The following DNAH5 variants were observed in gnomAD, a reference collection of about 807,000 sequenced individuals.
DNAH5 encodes the protein axonemal beta dynein heavy chain 5.
A neutral mutation model predicts 518.2 loss-of-function variants in DNAH5; 372 were observed. The ratio of observed to expected loss-of-function variants is 0.72; its 90% CI spans 0.66 to 0.78. The LOEUF is 0.78. Ranked by LOEUF, DNAH5 falls within the 30% of genes least tolerant of loss-of-function variation. The pLI, the probability that DNAH5 is intolerant of heterozygous loss-of-function variation, is 0.00. For synonymous variants in DNAH5, 2,039 were observed against 2,025.9 expected (o/e 1.01, Z -0.17); for missense variants, 5,523 against 5,687.0 (o/e 0.97, Z 0.93).
intron 12 of DNAH5, among the ~76,000 whole-genome samples, chr5:13,904,290 C>T (rs1169315764): frequency 1.3e-5 from 2 of 149,980 alleles, no homozygotes; most frequent in Admixed American, 6.6e-5. Context: ...CTTAAACTTG[C>T]AATTAAAGGA....
rs1038976235 is a variant in DNAH5 at position 13,770,954 on chromosome 5, C to T, written c.9400G>A (p.Asp3134Asn). ...AVSEHFLTSYDIDCSLEIKKE... is the reference protein window; with the variant it reads ...AVSEHFLTSYNIDCSLEIKKE... The stretch of plus-strand genomic sequence containing the variant: ...TTGATTTCCAAACTGCAGTCAATAT[C>T]ATAGGAAGTGAGGAAGTGTTCAGAC... Residue 3134 changes from aspartate (D) to asparagine (N), a missense_variant, in exon 56 of 79, where the codon GAT becomes AAT. Physicochemically the swap from Asp to Asn is conservative, Grantham distance 23 (BLOSUM62 1). Coordinates refer to ENST00000265104, the MANE Select transcript of DNAH5 (RefSeq NM_001369.3). 3.1e-5 allele frequency: 50 copies of T among 1,613,774 alleles called. No homozygotes were observed. Among genetic ancestry groups the T allele is most frequent in the Non-Finnish European group, 4.1e-5 (48 of 1,179,860 alleles).
chr5:13,998,247 C>A (rs35814710), intron 1 of DNAH5, among the ~76,000 whole-genome samples: 52,447 of 152,034 alleles, frequency 0.34, 9,899 homozygotes, highest in South Asian at 0.5. Context: ...CACCTTGTTG[C>A]TGCACCTCAC....
At position 13,716,539 on chromosome 5, in the gene DNAH5, C is replaced by T. The variant is rs185104576; in HGVS notation, c.12857G>A (p.Gly4286Glu). 86 of 1,613,916 alleles carry T rather than the reference C, an allele frequency of 5.3e-5. No homozygotes were observed. In the East Asian group the frequency reaches 1.9e-3, roughly 36 times the overall value. Residue 4286 changes from glycine to glutamate, a missense_variant, in exon 74 of 79, where the codon GGA becomes GAA. Physicochemically the swap from Gly to Glu is moderately conservative, Grantham distance 98. Coordinates refer to ENST00000265104, the MANE Select transcript of DNAH5 (RefSeq NM_001369.3). ...TGTGCTGCATTTTGGAATATTGTATCCTTGGTAAAAACTGAAATCTGGTCC... is the reference window on the plus strand; with the variant it reads ...TGTGCTGCATTTTGGAATATTGTATTCTTGGTAAAAACTGAAATCTGGTCC... ...MFGPDFSFYQ[G>E]YNIPKCSTVD...
At chr5:13,785,537 T>C (rs1403663298) in intron 52 of DNAH5, among the ~76,000 whole-genome samples, 1 of 152,238 alleles carries the variant, frequency 6.6e-6, no homozygotes. Flanking sequence ...AATTTACCAC[T>C]GTAACCACTA....
intron 1 of DNAH5, among the ~76,000 whole-genome samples, chr5:13,987,924 G>GA (rs1245724709): frequency 2.0e-5 from 3 of 151,114 alleles, no homozygotes; most frequent in Admixed American, 1.3e-4. Context: ...TTTGCCTGTA[G>GA]AAAAAAAATG....
chr5:13,916,481 G>GA (rs753302888), intron 8 of DNAH5, 26 bp from the exon 9 acceptor site: 33 of 1,338,294 alleles, frequency 2.5e-5, no homozygotes, highest in East Asian at 1.2e-4. Flanking sequence ...AAAGTTTTCA[G>GA]AAAAAATCAT....
chr5:13,829,618 C>CA lies in DNAH5; in HGVS notation c.6335_6336insT (p.Gln2112HisfsTer10), dbSNP rs779506456. ...TAGCCAACTTCACCCTTATGATAAT[C>CA]TGACGGTCAGGCACCATCATGGCCA... On this transcript the variant is annotated frameshift_variant, in exon 38 of 79. Coordinates refer to ENST00000265104, the MANE Select transcript of DNAH5 (RefSeq NM_001369.3). LOFTEE classifies it high-confidence loss of function. The CA allele has an allele frequency of 8.1e-6, 13 of 1,614,090 alleles. No homozygotes were observed. Among genetic ancestry groups the CA allele is most frequent in the Admixed American group, 1.7e-5 (1 of 60,004 alleles).
chr5:13,993,610 C>A (rs1287511506), intron 1 of DNAH5, among the ~76,000 whole-genome samples: 3 of 152,198 alleles, frequency 2.0e-5, no homozygotes, highest in Admixed American at 1.3e-4. Flanking sequence ...GTAAGTATTT[C>A]CTTAAGAGCT....
chr5:13,894,310 T>C (rs991023483), intron 16 of DNAH5, among the ~76,000 whole-genome samples: 2 of 152,198 alleles, frequency 1.3e-5, no homozygotes, highest in Non-Finnish European at 2.9e-5. Context: ...CTGTACTCTA[T>C]CCAAATCTCC....
At position 13,708,322 on chromosome 5, in the gene DNAH5, A is replaced by T; in HGVS notation, c.13139T>A (p.Leu4380Gln). 6.2e-7 allele frequency: 1 copy of T among 1,614,072 alleles called. No individual in the cohort carries two copies. The highest frequency in any genetic ancestry group is 8.5e-7 in the Non-Finnish European group (1 of 1,180,008). ...DYVPFEVKER[L>Q]QKMGPFQPMN... The stretch of plus-strand genomic sequence containing the variant: ...AGGCTGGAATGGCCCCATCTTCTGC[A>T]GCCTCTCTTTTACCTGCCATGGAGA... Residue 4380 changes from leucine to glutamine, a missense_variant, in exon 76 of 79, where the codon CTG (leucine) becomes CAG (glutamine). Leu to Gln is a moderately radical substitution (Grantham distance 113). This residue lies in a region of DNAH5 where 387 missense variants were observed against 430.0 expected (regional missense o/e 0.90). Transcript: ENST00000265104.
intron 21 of DNAH5, among the ~76,000 whole-genome samples, chr5:13,879,701 C>T (rs1229422764): frequency 6.7e-6 from 1 of 149,866 alleles, no homozygotes; most frequent in Non-Finnish European, 1.5e-5. Flanking sequence ...CTAGATCAAG[C>T]AGAAGTAGAA....
chr5:13,800,919 G>A (rs747013096), intron 47 of DNAH5, among the ~76,000 whole-genome samples: 1 of 151,960 alleles, frequency 6.6e-6, no homozygotes, highest in Non-Finnish European at 1.5e-5. Flanking sequence ...AGGAGGGAAG[G>A]CACCTTGTTT....
intron 31 of DNAH5, among the ~76,000 whole-genome samples, chr5:13,848,720 T>C (rs1766403091): frequency 6.6e-6 from 1 of 152,136 alleles, no homozygotes; most frequent in Non-Finnish European, 1.5e-5. Flanking sequence ...TATGCGCAGT[T>C]CACAATAGGG....
intron 61 of DNAH5, 58 bp from the exon 62 acceptor site, chr5:13,754,396 C>CA: frequency 6.3e-7 from 1 of 1,596,158 alleles, no homozygotes; most frequent in Non-Finnish European, 8.6e-7. Context: ...GCCACTGGCT[C>CA]AAAAATATAA....
intron 71 of DNAH5, among the ~76,000 whole-genome samples, chr5:13,719,370 A>G (rs1744740697): frequency 6.6e-6 from 1 of 152,186 alleles, no homozygotes; most frequent in Admixed American, 6.5e-5. Context: ...GTTAAACATA[A>G]AAGGACTTCC....
chr5:13,900,684 G>A (rs751659345), intron 14 of DNAH5: 57 of 476,566 alleles, frequency 1.2e-4, no homozygotes, highest in Middle Eastern at 5.8e-4. Flanking sequence ...CAGTGGTGGC[G>A]TCTCAAAAGC....
chr5:13,714,835 T>C (rs1744077625), intron 74 of DNAH5, among the ~76,000 whole-genome samples: 1 of 152,220 alleles, frequency 6.6e-6, no homozygotes, highest in South Asian at 2.1e-4. Flanking sequence ...CTCATGGCTC[T>C]TTACAGTCTG....
intron 1 of DNAH5, among the ~76,000 whole-genome samples, chr5:13,983,186 C>T (rs1782808688): frequency 6.6e-6 from 1 of 152,216 alleles, no homozygotes; most frequent in African/African-American, 2.4e-5. Flanking sequence ...GCCCAGCTGC[C>T]TCCATGCTGG....
chr5:13,935,981 C>T (rs1202331469), intron 1 of DNAH5, among the ~76,000 whole-genome samples: 1 of 152,152 alleles, frequency 6.6e-6, no homozygotes, highest in Non-Finnish European at 1.5e-5. Flanking sequence ...TATTCAATGT[C>T]CAAGGAAATC....
Sources: allele counts gnomAD v4.1 joint callset (sites outside exome capture counted in the v4.1 genomes callset), GRCh38; gene constraint gnomAD v4.1.1; regional missense constraint gnomAD v4.1.1; transcripts MANE v1.5; gene names NCBI Gene and HGNC (gene_info 2026-07-23, HGNC 2026-07-21).